Variants in UBAP1 observed in about 807,000 individuals in gnomAD.
UBAP1 encodes the protein ubiquitin associated protein 1.
In UBAP1, 5 loss-of-function variants were observed where a neutral mutation model predicts 39.0. The ratio of observed to expected loss-of-function variants is 0.13; its 90% CI spans 0.07 to 0.27. The LOEUF (loss-of-function observed/expected upper bound fraction) is 0.27, where lower values mean the gene tolerates loss of function less well. UBAP1 is among the 10% of genes least tolerant of loss of function. The pLI, the probability that UBAP1 is intolerant of heterozygous loss-of-function variation, is 1.00. For synonymous variants in UBAP1, 211 were observed against 225.1 expected (o/e 0.94, Z 0.56); for missense variants, 490 against 608.1 (o/e 0.81, Z 2.04).
chr9:34,218,233 A>C (rs1832446039), intron 1 of UBAP1, among the ~76,000 whole-genome samples: 1 of 109,828 alleles, frequency 9.1e-6, no homozygotes, highest in Non-Finnish European at 1.7e-5. Flanking sequence ...GCCTGGTGAC[A>C]GAGCGAGACT....
intron 1 of UBAP1, among the ~76,000 whole-genome samples, chr9:34,186,065 G>A (rs576561706): frequency 2.0e-5 from 3 of 152,290 alleles, no homozygotes; most frequent in African/African-American, 7.2e-5. Flanking sequence ...CTCTTAGGTG[G>A]TCACAGGACC....
intron 1 of UBAP1, among the ~76,000 whole-genome samples, chr9:34,217,397 C>T (rs746130327): frequency 9.2e-5 from 14 of 152,014 alleles, no homozygotes; most frequent in Middle Eastern, 3.4e-3. Context: ...CCACCATGCC[C>T]GGCTAATTTT....
intron 1 of UBAP1, among the ~76,000 whole-genome samples, chr9:34,186,903 T>TA (rs1390093129): frequency 6.6e-6 from 1 of 151,640 alleles, no homozygotes; most frequent in Non-Finnish European, 1.5e-5. Context: ...TGTTTTTTTT[T>TA]ATTTTTTATT....
At chr9:34,179,031 G>A (rs1829868313), upstream of UBAP1, 2 of 1,261,530 alleles carry the variant, frequency 1.6e-6, no homozygotes. Flanking sequence ...GGGGCGGTGA[G>A]GGGAAGGAGG....
At chr9:34,201,881 C>T (rs1002766486) in intron 1 of UBAP1, among the ~76,000 whole-genome samples, 3 of 152,300 alleles carry the variant, frequency 2.0e-5, no homozygotes, top group Middle Eastern at 3.4e-3. Context: ...CCTCGGTCCT[C>T]TCTTTAGGTT....
intron 2 of UBAP1, among the ~76,000 whole-genome samples, chr9:34,231,743 C>G (rs1833432903): frequency 6.6e-6 from 1 of 151,906 alleles, no homozygotes; most frequent in Non-Finnish European, 1.5e-5. Flanking sequence ...CTCCCGGGTT[C>G]ACGACATTCT....
In UBAP1 at chr9:34,242,056, C is replaced by G; in HGVS notation, c.1031C>G (p.Ser344Cys). Residue 344 changes from serine (S) to cysteine (C), a missense_variant, in exon 4 of 7, where the codon TCT becomes TGT. Ser to Cys is a moderately radical substitution (Grantham distance 112, BLOSUM62 -1). This residue lies in a region of UBAP1 where 339 missense variants were observed against 390.0 expected (regional missense o/e 0.87). Transcript: ENST00000297661. Reference protein sequence around the residue: ...ALTSSQMPSLSVLSVCTEESS... With the variant: ...ALTSSQMPSLCVLSVCTEESS... ...ACATCCTCCCAGATGCCTTCCCTCT[C>G]TGTTTTGTCTGTGTGCACAGAGGAA... 6.2e-7 allele frequency: 1 copy of G among 1,613,714 alleles called. No individual in the cohort carries two copies. Among genetic ancestry groups the G allele is most frequent in the South Asian group, 1.1e-5 (1 of 91,078 alleles).
intron 1 of UBAP1, among the ~76,000 whole-genome samples, chr9:34,182,094 T>G (rs537557604): frequency 6.7e-6 from 1 of 150,252 alleles, no homozygotes; most frequent in East Asian, 2.0e-4. Flanking sequence ...AGTGCACGTA[T>G]TTTTGACTGG....
intron 1 of UBAP1, among the ~76,000 whole-genome samples, chr9:34,195,927 GTTTTTTTTTTTTTTTTTTTTTT>G (rs57040252): frequency 1.7e-4 from 6 of 36,156 alleles, no homozygotes; most frequent in South Asian, 1.6e-3. Flanking sequence ...AAATTTTTTG[GTTTTTTTTTTTTTTTTTTTTTT>G]TTTTTTTTTT....
At chr9:34,228,585 T>TA (rs1833236996) in intron 2 of UBAP1, among the ~76,000 whole-genome samples, 1 of 143,508 alleles carries the variant, frequency 7.0e-6, no homozygotes, top group South Asian at 2.4e-4. Context: ...CCCCCCTTTT[T>TA]TTTTTGGAGA....
At chr9:34,181,791 ACTT>A (rs758771546) in intron 1 of UBAP1, among the ~76,000 whole-genome samples, 11 of 146,394 alleles carry the variant, frequency 7.5e-5, no homozygotes, top group Non-Finnish European at 1.5e-4. Context: ...AAATATGAAA[ACTT>A]CTTCAGTTTC....
At chr9:34,250,229 G>T (rs1411405692) in intron 5 of UBAP1, among the ~76,000 whole-genome samples, 2 of 152,232 alleles carry the variant, frequency 1.3e-5, no homozygotes, top group African/African-American at 4.8e-5. Context: ...TCCAAAAGGG[G>T]CAGAGCTAGG....
chr9:34,198,911 T>C (rs2131529192), intron 1 of UBAP1, among the ~76,000 whole-genome samples: 1 of 152,294 alleles, frequency 6.6e-6, no homozygotes, highest in South Asian at 2.1e-4. Flanking sequence ...ACCCGTCTAA[T>C]GGGGCTTTTG....
intron 1 of UBAP1, among the ~76,000 whole-genome samples, chr9:34,208,365 G>A (rs542536254): frequency 9.4e-4 from 143 of 152,266 alleles, no homozygotes; most frequent in African/African-American, 3.0e-3. Flanking sequence ...ACTGGAGGCC[G>A]GGCACAGTGG....
At chr9:34,212,675 T>G (rs1832084991) in intron 1 of UBAP1, among the ~76,000 whole-genome samples, 1 of 151,870 alleles carries the variant, frequency 6.6e-6, no homozygotes, top group Non-Finnish European at 1.5e-5. Context: ...TTGGATACCC[T>G]GAACAGACCA....
chr9:34,209,963 C>T (rs951157241), intron 1 of UBAP1, among the ~76,000 whole-genome samples: 1 of 152,124 alleles, frequency 6.6e-6, no homozygotes, highest in African/African-American at 2.4e-5. Context: ...TTTCCATATC[C>T]ACATAAACAT....
At position 34,233,196 on chromosome 9, in the gene UBAP1, T is replaced by G. The variant is rs1479244549; in HGVS notation, c.35-1020T>G. On this transcript the variant is annotated intron_variant, in intron 2 of 6. Coordinates refer to ENST00000297661, the MANE Select transcript of UBAP1 (RefSeq NM_016525.5). ...TTCCATGTTGTTCTAGAATGTAGTG[T>G]TTTTTAAGCTAGAGTAATTCTTTCT... is the stretch of plus-strand genomic sequence containing the variant. Among the ~76,000 whole-genome samples, 13 of 151,158 alleles carry G rather than the reference T, an allele frequency of 8.6e-5. No individual in the cohort carries two copies. In the Admixed American group the frequency reaches 8.7e-4, roughly 10 times the overall value.
chr9:34,223,676 C>T (rs1017154319), intron 2 of UBAP1, among the ~76,000 whole-genome samples: 1 of 152,092 alleles, frequency 6.6e-6, no homozygotes, highest in African/African-American at 2.4e-5. Context: ...AGGATGGTCT[C>T]GATCTCCTGA....
In UBAP1 at chr9:34,250,907, TCA is replaced by T. The variant is rs762895347; in HGVS notation, c.1368+149_1368+150del. 7.2e-5 allele frequency: 52 copies of T among 718,286 alleles called. No individual in the cohort carries two copies. The African/African-American group carries it at 7.7e-4, about 11-fold the overall frequency. The allele number at this position is 718,286 out of a possible 1,614,324, so 44.5% of individuals were successfully genotyped here. The stretch of plus-strand genomic sequence containing the variant: ...TTGAAGGGCAGAATCTCCCAAGTAT[TCA>T]GACAGGCCGAGGCCTGCGTTTGGCT... On this transcript the variant is annotated intron_variant, in intron 6 of 6. Coordinates refer to ENST00000297661, the MANE Select transcript of UBAP1 (RefSeq NM_016525.5).
Sources: allele counts gnomAD v4.1 joint callset (sites outside exome capture counted in the v4.1 genomes callset), GRCh38; gene constraint gnomAD v4.1.1; regional missense constraint gnomAD v4.1.1; transcripts MANE v1.5; gene names NCBI Gene and HGNC (gene_info 2026-07-23, HGNC 2026-07-21).